CDH4: variants seen among roughly 807,000 people sequenced by gnomAD.
CDH4 encodes the protein cadherin-4.
A neutral mutation model predicts 86.0 loss-of-function variants in CDH4; 33 were observed. The ratio of observed to expected loss-of-function variants is 0.38; its 90% CI spans 0.29 to 0.51. CDH4 has a LOEUF of 0.51. CDH4 is among the 20% of genes least tolerant of loss of function. The pLI, the probability that CDH4 is intolerant of heterozygous loss-of-function variation, is 0.86. For synonymous variants in CDH4, 555 were observed against 549.4 expected, an observed-to-expected ratio of 1.01 and a Z score of -0.14; for missense variants, 1,114 against 1,307.4, an observed-to-expected ratio of 0.85 and a Z score of 2.28.
intron 2 of CDH4, among the ~76,000 whole-genome samples, chr20:61,594,956 GT>G (rs992612248): frequency 3.3e-5 from 5 of 151,274 alleles, no homozygotes; most frequent in Admixed American, 6.5e-5. Flanking sequence ...TTCGCTCACT[GT>G]TTATTGAGTA....
intron 2 of CDH4, among the ~76,000 whole-genome samples, chr20:61,647,568 T>TCCCTCC (rs2087077687): frequency 1.9e-5 from 2 of 103,342 alleles, no homozygotes; most frequent in South Asian, 3.9e-4. Context: ...CCTCTCCCTC[T>TCCCTCC]CCCTCCCTCC....
At chr20:61,380,531 T>TTTTCCCCCCCCCC (rs2084894574) in intron 2 of CDH4, among the ~76,000 whole-genome samples, 2 of 148,840 alleles carry the variant, frequency 1.3e-5, no homozygotes, top group African/African-American at 2.5e-5. Flanking sequence ...CAAACCCCCC[T>TTTTCCCCCCCCCC]GCCCCCTCCC....
chr20:61,792,433 T>C (rs574999200), intron 4 of CDH4, among the ~76,000 whole-genome samples: 11 of 152,174 alleles, frequency 7.2e-5, no homozygotes, highest in Non-Finnish European at 1.6e-4. Flanking sequence ...CCCAAGGGCC[T>C]CTTCCAAGAT....
chr20:61,399,249 C>T (rs2085036350), intron 2 of CDH4, among the ~76,000 whole-genome samples: 1 of 105,768 alleles, frequency 9.5e-6, no homozygotes, highest in Non-Finnish European at 1.9e-5. Flanking sequence ...TCTCCTGCCT[C>T]AGCCTCCCGA....
intron 2 of CDH4, among the ~76,000 whole-genome samples, chr20:61,721,453 GA>G (rs986910056): frequency 6.6e-6 from 1 of 151,900 alleles, no homozygotes; most frequent in Non-Finnish European, 1.5e-5. Flanking sequence ...TAAATCATCA[GA>G]AAAAAAATCA....
chr20:61,667,147 C>T lies in CDH4; in HGVS notation c.170-76416C>T, dbSNP rs767734785. Among the ~76,000 whole-genome samples, 7 of 152,160 alleles carry T rather than the reference C, an allele frequency of 4.6e-5. No homozygotes were observed. In the East Asian group the frequency reaches 5.8e-4, roughly 13 times the overall value. The stretch of plus-strand genomic sequence containing the variant: ...AATGTGATGGAGGCAAAGAAGGGGC[C>T]GGTCAAGCCAGCACCTGGAGCCACA... On this transcript the variant is annotated intron_variant, in intron 2 of 15. Coordinates refer to ENST00000614565, the MANE Select transcript of CDH4 (RefSeq NM_001794.5).
chr20:61,433,260 T>C (rs2085258869), intron 2 of CDH4, among the ~76,000 whole-genome samples: 1 of 152,174 alleles, frequency 6.6e-6, no homozygotes, highest in Non-Finnish European at 1.5e-5. Flanking sequence ...AAAGAGTTCC[T>C]TTCCCTGTGA....
Position 61,743,712 on chromosome 20 carries a change from A to C in CDH4, c.319A>C (p.Ser107Arg). ...QVAFTVTAWD[S>R]QTAEKWDAVV... ...GGCGTTCACGGTGACTGCATGGGAC[A>C]GCCAGACAGCAGAGAAATGGGACGC... Residue 107 changes from serine (S) to arginine (R), a missense_variant, in exon 3 of 16, where the codon AGC becomes CGC. Ser to Arg is a moderately radical substitution (Grantham distance 110). Around this residue, in one of 3 missense-constraint regions of CDH4, gnomAD observed 221 missense variants for 209.5 expected, o/e 1.05. Coordinates refer to ENST00000614565, the MANE Select transcript of CDH4 (RefSeq NM_001794.5). 2 of 1,611,376 alleles carry C rather than the reference A, an allele frequency of 1.2e-6. No individual in the cohort carries two copies. The highest frequency in any genetic ancestry group is 8.5e-7 in the Non-Finnish European group (1 of 1,179,078).
intron 2 of CDH4, among the ~76,000 whole-genome samples, chr20:61,700,879 C>T (rs1052909706): frequency 4.6e-5 from 7 of 152,178 alleles, no homozygotes; most frequent in African/African-American, 1.4e-4. Flanking sequence ...GACAGCGGAC[C>T]GACATCTTCA....
At chr20:61,529,436 C>T (rs1331603781) in intron 2 of CDH4, among the ~76,000 whole-genome samples, 1 of 152,334 alleles carries the variant, frequency 6.6e-6, no homozygotes, top group Non-Finnish European at 1.5e-5. Context: ...TCACTGGAGG[C>T]GCTTCACAAG....
chr20:61,379,326 G>A (rs6121392), intron 2 of CDH4, among the ~76,000 whole-genome samples: 27,666 of 151,774 alleles, frequency 0.18, 2,676 homozygotes, highest in African/African-American at 0.2. Context: ...CTGCTCTCAC[G>A]GTCACTAACA....
chr20:61,451,513 T>A (rs1231059762), intron 2 of CDH4, among the ~76,000 whole-genome samples: 2 of 152,228 alleles, frequency 1.3e-5, no homozygotes, highest in African/African-American at 4.8e-5. Flanking sequence ...GAGAAAATGC[T>A]TCTGGGGCAA....
chr20:61,352,831 C>A (rs1002982797), intron 2 of CDH4, among the ~76,000 whole-genome samples: 1 of 152,084 alleles, frequency 6.6e-6, no homozygotes, highest in African/African-American at 2.4e-5. Context: ...GTTCTTCATC[C>A]GGCAGTGCAG....
intron 2 of CDH4, among the ~76,000 whole-genome samples, chr20:61,590,366 G>A (rs192364051): frequency 6.6e-6 from 1 of 152,122 alleles, no homozygotes; most frequent in Admixed American, 6.5e-5. Context: ...CCCAGTGGGT[G>A]GGGGCAGCCC....
chr20:61,521,384 G>A (rs1600727079), intron 2 of CDH4, among the ~76,000 whole-genome samples: 1 of 152,170 alleles, frequency 6.6e-6, no homozygotes, highest in Admixed American at 6.5e-5. Context: ...GGAGGAGAGC[G>A]AGTTTGTAGG....
intron 8 of CDH4, among the ~76,000 whole-genome samples, chr20:61,900,950 C>T (rs867607519): frequency 5.3e-5 from 8 of 152,204 alleles, no homozygotes; most frequent in African/African-American, 1.9e-4. Context: ...ATATGGCCAT[C>T]GTGGCTGTTG....
chr20:61,439,706 C>T (rs1416531013), intron 2 of CDH4, among the ~76,000 whole-genome samples: 1 of 152,200 alleles, frequency 6.6e-6, no homozygotes, highest in Non-Finnish European at 1.5e-5. Flanking sequence ...CTGGCCAGTC[C>T]AGGTTCAAGG....
intron 2 of CDH4, among the ~76,000 whole-genome samples, chr20:61,317,486 T>C (rs374914470): frequency 1.1e-4 from 17 of 152,148 alleles, no homozygotes; most frequent in African/African-American, 3.6e-4. Context: ...TGGGGAGGTC[T>C]GTGGCCCATT....
Position 61,815,678 on chromosome 20 carries a change from A to G in CDH4, c.577-28990A>G, listed in dbSNP as rs545937910. Among the ~76,000 whole-genome samples, 12 of 152,350 alleles carry G rather than the reference A, an allele frequency of 7.9e-5. 1 individual carries two copies. Among genetic ancestry groups the G allele is most frequent in the Admixed American group, 3.9e-4 (6 of 15,306 alleles). On this transcript the variant is annotated intron_variant, in intron 4 of 15. Transcript: ENST00000614565. ...CAGAAGCAGCCTGGAAAGCTGAGAG[A>G]TTGTGCTTTCGACGCCCGGAGGCCC... is the stretch of plus-strand genomic sequence containing the variant.
Sources: gnomAD v4.1 joint callset for allele counts (sites outside exome capture counted in the v4.1 genomes callset) on GRCh38, gnomAD v4.1.1 for gene constraint, gnomAD v4.1.1 regional missense constraint, MANE v1.5 for transcripts, NCBI Gene and HGNC (gene_info 2026-07-23, HGNC 2026-07-21) for gene names.